MTA3: variants seen among roughly 807,000 people sequenced by gnomAD.
The protein encoded by MTA3 is metastasis associated 1 family member 3, also known as metastasis-associated protein MTA3.
Under a neutral mutation model 83.5 loss-of-function variants are expected in MTA3, and 34 were observed. That is an observed-to-expected ratio of 0.41 (90% CI 0.31 to 0.54). MTA3 has a LOEUF of 0.54. Ranked by LOEUF, MTA3 falls within the 20% of genes least tolerant of loss-of-function variation. MTA3 has a pLI of 0.33. For synonymous variants in MTA3, 303 were observed against 252.7 expected (o/e 1.20, Z -1.89); for missense variants, 761 against 726.4 (o/e 1.05, Z -0.55).
intron 8 of MTA3, among the ~76,000 whole-genome samples, chr2:42,669,410 A>G (rs769483823): frequency 4.6e-5 from 7 of 152,118 alleles, no homozygotes; most frequent in Middle Eastern, 3.2e-3. Flanking sequence ...TTTGATTAGC[A>G]TTTTAGATAT....
upstream of MTA3, among the ~76,000 whole-genome samples, chr2:42,566,308 C>G (rs563438970): frequency 1.3e-5 from 2 of 152,260 alleles, no homozygotes; most frequent in South Asian, 4.2e-4. Context: ...GTGTGAACCT[C>G]TCTGGAATTA....
At chr2:42,632,741 A>G (rs1051942493) in intron 4 of MTA3, among the ~76,000 whole-genome samples, 3 of 152,290 alleles carry the variant, frequency 2.0e-5, no homozygotes, top group African/African-American at 7.2e-5. Flanking sequence ...TCAGAAATAG[A>G]TTAATCGATT....
intron 3 of MTA3, among the ~76,000 whole-genome samples, chr2:42,596,213 G>A (rs566606894): frequency 6.6e-6 from 1 of 152,240 alleles, no homozygotes; most frequent in Admixed American, 6.5e-5. Flanking sequence ...AGTCTATGAA[G>A]TGTGTAGGCA....
At chr2:42,659,727 C>G in intron 7 of MTA3, 36 bp from the exon 8 acceptor site, 2 of 1,424,228 alleles carry the variant, frequency 1.4e-6, no homozygotes, top group East Asian at 2.7e-5. Flanking sequence ...AAAACAGATA[C>G]TTAATTCTTC....
intron 3 of MTA3, among the ~76,000 whole-genome samples, chr2:42,584,540 A>G (rs1476674749): frequency 6.6e-6 from 1 of 151,896 alleles, no homozygotes; most frequent in Non-Finnish European, 1.5e-5. Context: ...TGGAGACTTC[A>G]GTGTATTTTT....
At position 42,609,474 on chromosome 2, in the gene MTA3, A is replaced by C. The variant is rs201096010; in HGVS notation, c.207A>C (p.Glu69Asp). Residue 69 changes from glutamate to aspartate, a missense_variant, in exon 4 of 17, where the codon GAA becomes GAC. Transcript: ENST00000405094. ...ADKHAKEIEEESETTVEADLT... is the reference protein window; with the variant it reads ...ADKHAKEIEEDSETTVEADLT... ...TTTGTGTAGAAGAAATTGAGGAAGA[A>C]TCTGAAACAACAGTTGAGGCTGACT... 2.9e-3 allele frequency: 4,630 copies of C among 1,613,830 alleles called. 10 individuals carry two copies. The highest frequency in any genetic ancestry group is 3.6e-3 in the Non-Finnish European group (4,288 of 1,179,770).
chr2:42,612,610 C>G (rs1019889407), intron 4 of MTA3, among the ~76,000 whole-genome samples: 7 of 151,996 alleles, frequency 4.6e-5, no homozygotes, highest in African/African-American at 1.7e-4. Context: ...ACCTGTAATC[C>G]CAGCACTTTG....
chr2:42,596,564 A>G (rs1360955156), intron 3 of MTA3, among the ~76,000 whole-genome samples: 1 of 152,170 alleles, frequency 6.6e-6, no homozygotes, highest in African/African-American at 2.4e-5. Flanking sequence ...TATGATATAC[A>G]TTTTCTTATT....
At chr2:42,711,471 A>G (rs1026387972) in intron 14 of MTA3, among the ~76,000 whole-genome samples, 1 of 152,128 alleles carries the variant, frequency 6.6e-6, no homozygotes, top group Admixed American at 6.5e-5. Context: ...AGCATGTATT[A>G]TTTTGTTTTG....
chr2:42,642,897 G>A (rs530428673), intron 5 of MTA3, among the ~76,000 whole-genome samples: 3 of 152,034 alleles, frequency 2.0e-5, no homozygotes, highest in South Asian at 4.2e-4. Flanking sequence ...CGCCTGCCTC[G>A]GCCTCCCAAA....
rs758167878 is a variant in MTA3 at position 42,755,125 on chromosome 2, A to G, written c.*1726A>G. 10 of 985,306 alleles carry G rather than the reference A, an allele frequency of 1.0e-5. No individual in the cohort carries two copies. Among genetic ancestry groups the G allele is most frequent in the African/African-American group, 5.2e-5 (3 of 57,196 alleles). The allele number at this position is 985,306 out of a possible 1,614,324, so 61.0% of individuals were successfully genotyped here. A position where few individuals can be genotyped will look rare whatever the true frequency, so the allele number is the denominator to read the frequency against. On this transcript the variant is annotated 3_prime_UTR_variant, in exon 17 of 17. Coordinates refer to ENST00000405094, the MANE Select transcript of MTA3 (RefSeq NM_001330442.2). ...GGGGTCCCTTCAGCAAAGACCTGGG[A>G]GGAGGTGCCGCATCACGTGGATGTT...
At chr2:42,639,343 A>G (rs190631206) in intron 4 of MTA3, among the ~76,000 whole-genome samples, 2 of 152,098 alleles carry the variant, frequency 1.3e-5, no homozygotes, top group East Asian at 1.9e-4. Flanking sequence ...TTAAAGAAAC[A>G]TTGTGTGAGC....
At chr2:42,632,747 C>T (rs889343644) in intron 4 of MTA3, among the ~76,000 whole-genome samples, 2 of 152,068 alleles carry the variant, frequency 1.3e-5, no homozygotes, top group African/African-American at 2.4e-5. Context: ...ATAGATTAAT[C>T]GATTTTATTA....
intron 2 of MTA3, among the ~76,000 whole-genome samples, chr2:42,529,213 G>A (rs529392013): frequency 5.9e-5 from 9 of 152,260 alleles, no homozygotes; most frequent in African/African-American, 2.2e-4. Context: ...ACTCTCTTGG[G>A]TTAGGGGGAG....
intron 2 of MTA3, among the ~76,000 whole-genome samples, chr2:42,510,506 A>G (rs1290434974): frequency 6.6e-6 from 1 of 152,184 alleles, no homozygotes; most frequent in Non-Finnish European, 1.5e-5. Flanking sequence ...GTGAAAGCAG[A>G]CCAGGACCTA....
At chr2:42,728,103 T>G (rs1345573717) in intron 16 of MTA3, among the ~76,000 whole-genome samples, 1 of 152,210 alleles carries the variant, frequency 6.6e-6, no homozygotes, top group East Asian at 1.9e-4. Context: ...ACCACTATCC[T>G]TCCTACCTTC....
At chr2:42,681,231 T>C (rs115444766) in intron 8 of MTA3, among the ~76,000 whole-genome samples, 2 of 152,310 alleles carry the variant, frequency 1.3e-5, no homozygotes, top group African/African-American at 4.8e-5. Flanking sequence ...AACCTGGCCA[T>C]CTATTCTTTG....
intron 8 of MTA3, among the ~76,000 whole-genome samples, chr2:42,678,478 C>G (rs1316962340): frequency 6.6e-6 from 1 of 152,100 alleles, no homozygotes; most frequent in Non-Finnish European, 1.5e-5. Context: ...GCTGGGATTA[C>G]AGGTGACTGC....
rs553196691 is a variant in MTA3, at chr2:42,549,460, T to G, written c.-140-20977T>G. On this transcript the variant is annotated intron_variant, in intron 2 of 17. Transcript: ENST00000405592. ...ATACGTATACATATAATATATTATATATACATATTATATATTATATATTTA... is the reference window on the plus strand; with the variant it reads ...ATACGTATACATATAATATATTATAGATACATATTATATATTATATATTTA... Among the ~76,000 whole-genome samples, 160 of 95,172 alleles carry G rather than the reference T, an allele frequency of 1.7e-3. 10 individuals carry two copies. Among genetic ancestry groups the G allele is most frequent in the African/African-American group, 6.8e-3 (152 of 22,352 alleles). The allele number at this position is 95,172 out of a possible 152,430, so 62.4% of individuals were successfully genotyped here.
Sources: gnomAD v4.1 joint callset for allele counts (sites outside exome capture counted in the v4.1 genomes callset) on GRCh38, gnomAD v4.1.1 for gene constraint, MANE v1.5 for transcripts, NCBI Gene and HGNC (gene_info 2026-07-23, HGNC 2026-07-21) for gene names.